Variants in HHAT observed in about 807,000 individuals in gnomAD.
The protein encoded by HHAT is protein-cysteine N-palmitoyltransferase HHAT.
Under a neutral mutation model 70.8 loss-of-function variants are expected in HHAT, and 47 were observed. That is an observed-to-expected ratio of 0.66 (90% confidence interval 0.53 to 0.85). The LOEUF is 0.85. HHAT is among the 40% of genes least tolerant of loss of function. HHAT has a pLI of 0.00. For synonymous variants in HHAT, 228 were observed against 247.6 expected, an observed-to-expected ratio of 0.92 and a Z score of 0.74; for missense variants, 609 against 604.8, an observed-to-expected ratio of 1.01 and a Z score of -0.07.
chr1:210,429,921 A>G (rs531845681), intron 7 of HHAT, among the ~76,000 whole-genome samples: 5 of 152,042 alleles, frequency 3.3e-5, no homozygotes, highest in Admixed American at 1.3e-4. Context: ...TTCCAAATCT[A>G]TCATTATGCT....
intron 11 of HHAT, 107 bp downstream of exon 11, chr1:210,623,777 T>A (rs945938555): frequency 2.2e-5 from 26 of 1,192,488 alleles, no homozygotes; most frequent in Non-Finnish European, 2.6e-5. Context: ...TTCATTGTTA[T>A]GTTCATGGCA....
intron 10 of HHAT, among the ~76,000 whole-genome samples, chr1:210,594,964 T>TA (rs1662594141): frequency 9.1e-5 from 1 of 10,936 alleles, no homozygotes; most frequent in African/African-American, 1.0e-4. Flanking sequence ...CTTTTCAGAT[T>TA]CTTTTTTTTA....
chr1:210,330,427 G>C (rs2084886840), intron 1 of HHAT, among the ~76,000 whole-genome samples: 1 of 152,206 alleles, frequency 6.6e-6, no homozygotes, highest in Non-Finnish European at 1.5e-5. Context: ...TTGGAGGGGA[G>C]CCAAAGCCAC....
chr1:210,570,692 T>C (rs1273477527), intron 9 of HHAT, among the ~76,000 whole-genome samples: 18 of 152,176 alleles, frequency 1.2e-4, no homozygotes, highest in Admixed American at 1.2e-3. Flanking sequence ...TAGAGACTTT[T>C]CATTCTCCAA....
Position 210,442,081 on chromosome 1 carries a change from A to G in HHAT, c.857-22424A>G, listed in dbSNP as rs1484995667. 2.1e-5 allele frequency among the ~76,000 whole-genome samples: 3 copies of G among 143,548 alleles called. 1 individual carries two copies. The highest frequency in any genetic ancestry group is 4.5e-5 in the Non-Finnish European group (3 of 66,482). 94.2% of individuals were successfully genotyped at this position (143,548 alleles called of 152,430 possible). On this transcript the variant is annotated intron_variant, in intron 7 of 11. Coordinates refer to ENST00000261458, the MANE Select transcript of HHAT (RefSeq NM_018194.6). ...TGATCTCATTGTTCAGTTCCCACCT[A>G]CGAGTGAGAATATGCAGTGTTTGGT...
intron 11 of HHAT, among the ~76,000 whole-genome samples, chr1:210,652,961 C>CAT (rs1286033575): frequency 6.6e-6 from 1 of 152,192 alleles, no homozygotes; most frequent in Non-Finnish European, 1.5e-5. Flanking sequence ...AGGACTTTGA[C>CAT]ATCCAGACAT....
intron 9 of HHAT, among the ~76,000 whole-genome samples, chr1:210,545,844 T>C (rs138945314): frequency 1.3e-3 from 205 of 152,330 alleles, no homozygotes; most frequent in African/African-American, 4.8e-3. Flanking sequence ...CAGCTTTTCA[T>C]TTATTTCTGA....
intron 7 of HHAT, among the ~76,000 whole-genome samples, chr1:210,457,581 G>A (rs901856624): frequency 2.6e-5 from 4 of 152,080 alleles, no homozygotes; most frequent in African/African-American, 9.7e-5. Flanking sequence ...GATGAGATTC[G>A]GAAGGCAGGG....
At chr1:210,473,781 G>T (rs775009776) in intron 8 of HHAT, among the ~76,000 whole-genome samples, 4 of 151,974 alleles carry the variant, frequency 2.6e-5, no homozygotes, top group Non-Finnish European at 4.4e-5. Context: ...GCTGGGTCAG[G>T]TCCTCCTTGC....
At chr1:210,435,032 T>C (rs1340549503) in intron 7 of HHAT, among the ~76,000 whole-genome samples, 1 of 151,886 alleles carries the variant, frequency 6.6e-6, no homozygotes, top group Non-Finnish European at 1.5e-5. Flanking sequence ...CAATTAATGT[T>C]AACTATAGTT....
At position 210,372,551 on chromosome 1, in the gene HHAT, A is replaced by T. The variant is rs567902946; in HGVS notation, c.159+9632A>T. On this transcript the variant is annotated intron_variant, in intron 3 of 11. Transcript: ENST00000261458. Reference sequence around the variant, plus strand: ...TCATTAGGTAGGGAAGTACAAAACCATCATTGAACTTGTTCCTGAAAGCTT... The same window carrying T: ...TCATTAGGTAGGGAAGTACAAAACCTTCATTGAACTTGTTCCTGAAAGCTT... Among the ~76,000 whole-genome samples the T allele has an allele frequency of 5.3e-5, 8 of 152,318 alleles. No individual in the cohort carries two copies. In the East Asian group the frequency reaches 1.4e-3, roughly 26 times the overall value.
At chr1:210,458,369 G>C (rs935856560) in intron 7 of HHAT, among the ~76,000 whole-genome samples, 7 of 152,096 alleles carry the variant, frequency 4.6e-5, no homozygotes, top group Admixed American at 3.3e-4. Context: ...GGCACTGGTT[G>C]GTGCTAAGGA....
intron 11 of HHAT, among the ~76,000 whole-genome samples, chr1:210,642,301 A>C (rs1673128772): frequency 6.6e-6 from 1 of 152,212 alleles, no homozygotes. Flanking sequence ...GTATCTATTC[A>C]ACTGATGATG....
At chr1:210,513,218 A>C in intron 9 of HHAT, 30 bp downstream of exon 9, 1 of 1,111,100 alleles carries the variant, frequency 9.0e-7, no homozygotes, top group Non-Finnish European at 1.4e-6. Context: ...TTTAGATAAC[A>C]TTGAATAACA....
At chr1:210,395,799 A>G (rs1040887379) in intron 4 of HHAT, among the ~76,000 whole-genome samples, 2 of 152,196 alleles carry the variant, frequency 1.3e-5, no homozygotes, top group Non-Finnish European at 2.9e-5. Context: ...TTTCTTAGTC[A>G]TGATCTCAAG....
At chr1:210,374,168 C>CT (rs1482753315) in intron 3 of HHAT, 1 of 152,148 alleles carries the variant, frequency 6.6e-6, no homozygotes, top group Non-Finnish European at 1.5e-5. Context: ...CTCCCCAGGG[C>CT]AAGGCTTACA....
intron 8 of HHAT, among the ~76,000 whole-genome samples, chr1:210,506,665 C>A (rs1387597258): frequency 6.6e-6 from 1 of 152,044 alleles, no homozygotes; most frequent in Non-Finnish European, 1.5e-5. Flanking sequence ...CAGAAGAGAA[C>A]CCCTATTTTT....
At chr1:210,533,430 T>G (rs940783215) in intron 9 of HHAT, among the ~76,000 whole-genome samples, 1 of 151,226 alleles carries the variant, frequency 6.6e-6, no homozygotes, top group Non-Finnish European at 1.5e-5. Flanking sequence ...TTGGGGACTG[T>G]CAACTCCAAG....
chr1:210,402,763 G>T (rs1317910124), intron 5 of HHAT, among the ~76,000 whole-genome samples: 1 of 152,194 alleles, frequency 6.6e-6, no homozygotes, highest in Non-Finnish European at 1.5e-5. Flanking sequence ...ATCACTGTGG[G>T]ACTGGAACTC....
Sources: gnomAD v4.1 joint callset for allele counts (sites outside exome capture counted in the v4.1 genomes callset) on GRCh38, gnomAD v4.1.1 for gene constraint, MANE v1.5 for transcripts, NCBI Gene and HGNC (gene_info 2026-07-23, HGNC 2026-07-21) for gene names.